The following PRKAR2B variants were observed in gnomAD, a reference collection of about 807,000 sequenced individuals.
PRKAR2B encodes protein kinase cAMP-dependent type II regulatory subunit beta.
In PRKAR2B, 14 loss-of-function variants were observed where a neutral mutation model predicts 49.9. The ratio of observed to expected loss-of-function variants is 0.28; its 90% CI spans 0.19 to 0.44. PRKAR2B has a LOEUF of 0.44. PRKAR2B is among the 20% of genes least tolerant of loss of function. The pLI is 1.00. For missense variants in PRKAR2B, 393 were observed against 537.9 expected (o/e 0.73, Z 2.67); for synonymous variants, 196 against 197.7 (o/e 0.99, Z 0.07).
At chr7:107,069,216 G>A (rs977200764) in intron 1 of PRKAR2B, among the ~76,000 whole-genome samples, 16 of 152,170 alleles carry the variant, frequency 1.1e-4, no homozygotes, top group African/African-American at 3.1e-4. Flanking sequence ...GATTACAGGC[G>A]TGAGCCACTG....
intron 5 of PRKAR2B, among the ~76,000 whole-genome samples, chr7:107,142,777 T>G (rs112084774): frequency 1.7e-3 from 261 of 152,250 alleles, no homozygotes; most frequent in Non-Finnish European, 3.2e-3. Flanking sequence ...GTTTGTTTTT[T>G]TTTTTTAAAC....
At chr7:107,046,337 C>T (rs1036401358) in intron 1 of PRKAR2B, among the ~76,000 whole-genome samples, 35 of 152,166 alleles carry the variant, frequency 2.3e-4, no homozygotes, top group African/African-American at 6.8e-4. Context: ...TTTGTGTGTC[C>T]GCAGTGTATT....
chr7:107,107,951 C>T (rs1401924169), intron 2 of PRKAR2B, among the ~76,000 whole-genome samples: 5 of 152,058 alleles, frequency 3.3e-5, no homozygotes, highest in African/African-American at 9.7e-5. Context: ...ATGCTGTGCC[C>T]GGCCAAGAGA....
At chr7:107,145,517 T>G (rs915189048) in intron 5 of PRKAR2B, among the ~76,000 whole-genome samples, 1 of 152,186 alleles carries the variant, frequency 6.6e-6, no homozygotes, top group African/African-American at 2.4e-5. Context: ...CTCACTATTC[T>G]TATGCTTTTA....
Position 107,157,278 on chromosome 7 carries a change from A to G in PRKAR2B, c.1077A>G (p.Lys359=), listed in dbSNP as rs1282334918. Residue 359 remains lysine (K), a synonymous_variant, in exon 10 of 11, where the codon AAA becomes AAG. Coordinates refer to ENST00000265717, the MANE Select transcript of PRKAR2B (RefSeq NM_002736.3). Reference sequence around the variant, plus strand: ...GAGAGCTTGCCCTGGTAACTAACAAACCTCGAGCAGCTTCTGCCCACGCCA... The same window carrying G: ...GAGAGCTTGCCCTGGTAACTAACAAGCCTCGAGCAGCTTCTGCCCACGCCA... ...YFGELALVTN[K]PRAASAHAIG... The G allele has an allele frequency of 6.2e-6, 10 of 1,613,968 alleles. No individual in the cohort carries two copies. Among genetic ancestry groups the G allele is most frequent in the Non-Finnish European group, 8.5e-6 (10 of 1,180,024 alleles).
At chr7:107,070,181 TTTAG>T in intron 1 of PRKAR2B, 96 bp from the exon 2 acceptor site, 3 of 754,734 alleles carry the variant, frequency 4.0e-6, no homozygotes, top group Non-Finnish European at 6.4e-6. Flanking sequence ...CATCTTTTTC[TTTAG>T]TTAAATTATA....
intron 8 of PRKAR2B, among the ~76,000 whole-genome samples, chr7:107,156,446 A>G (rs1007513691): frequency 7.9e-5 from 12 of 152,000 alleles, no homozygotes; most frequent in Non-Finnish European, 1.5e-4. Flanking sequence ...TTGGGGGGGA[A>G]AAAGAAAGTA....
chr7:107,159,536 T>A lies in PRKAR2B; in HGVS notation c.1211T>A (p.Val404Asp). The stretch of plus-strand genomic sequence containing the variant: ...ATCGCTACCTATGAAGAACAGTTAG[T>A]TGCCCTGTTTGGAACGAACATGGAT... ...RNIATYEEQL[V>D]ALFGTNMDIV... Residue 404 changes from valine to aspartate, a missense_variant, in exon 11 of 11, where the codon GTT (valine) becomes GAT (aspartate). By Grantham distance (152) the Val-to-Asp change is radical. This residue lies in a region of PRKAR2B where 233 missense variants were observed against 390.4 expected (regional missense o/e 0.60). Transcript: ENST00000265717. 6.2e-7 allele frequency: 1 copy of A among 1,614,126 alleles called. No homozygotes were observed. Among genetic ancestry groups the A allele is most frequent in the Non-Finnish European group, 8.5e-7 (1 of 1,179,980 alleles).
intron 2 of PRKAR2B, among the ~76,000 whole-genome samples, chr7:107,099,629 C>A (rs1252010333): frequency 6.8e-6 from 1 of 148,112 alleles, no homozygotes; most frequent in Non-Finnish European, 1.5e-5. Context: ...GGCCATCTTG[C>A]ATGAGAAATC....
rs1341375879 is a variant in PRKAR2B at position 107,159,680 on chromosome 7, T to C, written c.*98T>C. ...TGTAGATGCCAAGCATTTTCTGTGA[T>C]TTCAGGTTTTTTCCTTTTTTTACAT... On this transcript the variant is annotated 3_prime_UTR_variant, in exon 11 of 11. Coordinates refer to ENST00000265717, the MANE Select transcript of PRKAR2B (RefSeq NM_002736.3). The C allele has an allele frequency of 3.7e-6, 5 of 1,337,840 alleles. No homozygotes were observed. The highest frequency in any genetic ancestry group is 5.1e-6 in the Non-Finnish European group (5 of 974,844). The allele number at this position is 1,337,840 out of a possible 1,614,324, so 82.9% of individuals were successfully genotyped here. A position where few individuals can be genotyped will look rare whatever the true frequency, so the allele number is the denominator to read the frequency against.
At chr7:107,136,749 G>A (rs1460213120) in intron 4 of PRKAR2B, among the ~76,000 whole-genome samples, 2 of 152,218 alleles carry the variant, frequency 1.3e-5, no homozygotes, top group Non-Finnish European at 2.9e-5. Context: ...AGATTGTTTA[G>A]TGGTGTCTTT....
chr7:107,138,786 C>T (rs1187294272), intron 4 of PRKAR2B, among the ~76,000 whole-genome samples: 1 of 152,130 alleles, frequency 6.6e-6, no homozygotes, highest in Non-Finnish European at 1.5e-5. Flanking sequence ...CAGGCTCAAG[C>T]AGTCCTCCGA....
At chr7:107,050,418 A>G (rs1185118879) in intron 1 of PRKAR2B, among the ~76,000 whole-genome samples, 1 of 136,354 alleles carries the variant, frequency 7.3e-6, no homozygotes, top group African/African-American at 3.0e-5. Context: ...TGAATATTGA[A>G]TGGTTATTTT....
rs529645260 is a variant in PRKAR2B, at chr7:107,074,987, A to G, written c.343+4671A>G. Among the ~76,000 whole-genome samples the G allele has an allele frequency of 2.1e-4, 32 of 152,110 alleles. No homozygotes were observed. The South Asian group carries it at 6.4e-3, about 31-fold the overall frequency. Reference sequence around the variant, plus strand: ...TTTCCCATTTTCTCTGTGAATTTGTATGTAAGTTGTTTACTTCTTTGAGTT... The same window carrying G: ...TTTCCCATTTTCTCTGTGAATTTGTGTGTAAGTTGTTTACTTCTTTGAGTT... On this transcript the variant is annotated intron_variant, in intron 2 of 10. Coordinates refer to ENST00000265717, the MANE Select transcript of PRKAR2B (RefSeq NM_002736.3).
At chr7:107,144,025 G>A (rs531351144) in intron 5 of PRKAR2B, among the ~76,000 whole-genome samples, 10 of 151,982 alleles carry the variant, frequency 6.6e-5, no homozygotes, top group African/African-American at 1.4e-4. Context: ...CATTCTATCC[G>A]TGAATGACAT....
chr7:107,158,887 A>G (rs1422621006), intron 10 of PRKAR2B, among the ~76,000 whole-genome samples: 1 of 152,210 alleles, frequency 6.6e-6, no homozygotes, highest in Non-Finnish European at 1.5e-5. Flanking sequence ...TTATAAATCC[A>G]GTTTTAAAAT....
chr7:107,072,104 T>C (rs895518330), intron 2 of PRKAR2B, among the ~76,000 whole-genome samples: 5 of 148,476 alleles, frequency 3.4e-5, no homozygotes, highest in Admixed American at 6.7e-5. Flanking sequence ...AAATAAAAAA[T>C]AAATATATAT....
intron 2 of PRKAR2B, among the ~76,000 whole-genome samples, chr7:107,112,559 G>T (rs887881717): frequency 3.3e-5 from 5 of 151,878 alleles, no homozygotes; most frequent in Admixed American, 2.6e-4. Context: ...ATAGGAAAAT[G>T]TTTACCAAAT....
At chr7:107,142,714 C>T (rs1315226257) in intron 5 of PRKAR2B, among the ~76,000 whole-genome samples, 1 of 151,998 alleles carries the variant, frequency 6.6e-6, no homozygotes, top group East Asian at 1.9e-4. Context: ...CTGCCGGAGG[C>T]CTTGTATTAT....
Sources: gnomAD v4.1 joint callset for allele counts (sites outside exome capture counted in the v4.1 genomes callset) on GRCh38, gnomAD v4.1.1 for gene constraint, gnomAD v4.1.1 regional missense constraint, MANE v1.5 for transcripts, NCBI Gene and HGNC (gene_info 2026-07-23, HGNC 2026-07-21) for gene names.